Variants in VTI1A observed in about 807,000 individuals in gnomAD.
VTI1A encodes vesicle transport through interaction with t-SNAREs 1A.
A neutral mutation model predicts 34.9 loss-of-function variants in VTI1A; 22 were observed. The ratio of observed to expected loss-of-function variants is 0.63; its 90% CI spans 0.45 to 0.90. VTI1A has a LOEUF of 0.90. Among genes scored for constraint, VTI1A ranks in the 40% least tolerant of loss-of-function variants. The pLI is 0.00. For missense variants in VTI1A, 268 were observed against 275.6 expected (o/e 0.97, Z 0.20); for synonymous variants, 87 against 97.3 (o/e 0.89, Z 0.62).
Position 112,714,893 on chromosome 10 carries a change from A to G in VTI1A, c.560+45895A>G, listed in dbSNP as rs990852389. On this transcript the variant is annotated intron_variant, in intron 7 of 7. Transcript: ENST00000393077. ...AAATTATTATGAGCCAACCTTTTCA[A>G]TCTTCCATGATGTGCACCGTGTTCA... Among the ~76,000 whole-genome samples, 4 of 152,234 alleles carry G rather than the reference A, an allele frequency of 2.6e-5. No homozygotes were observed. The South Asian group carries it at 8.3e-4, about 32-fold the overall frequency.
At chr10:112,490,544 A>G (rs1848786222) in intron 3 of VTI1A, among the ~76,000 whole-genome samples, 1 of 152,088 alleles carries the variant, frequency 6.6e-6, no homozygotes, top group South Asian at 2.1e-4. Flanking sequence ...TATTGTCATT[A>G]ATGATATGCT....
chr10:112,517,005 G>C (rs1459649248), intron 3 of VTI1A, among the ~76,000 whole-genome samples: 1 of 152,074 alleles, frequency 6.6e-6, no homozygotes, highest in East Asian at 1.9e-4. Context: ...ATCTTTGCCA[G>C]CTCCTAGGTG....
intron 3 of VTI1A, among the ~76,000 whole-genome samples, chr10:112,470,130 G>T (rs1275664779): frequency 1.3e-5 from 2 of 152,086 alleles, no homozygotes; most frequent in Non-Finnish European, 2.9e-5. Context: ...AGAACAGGAG[G>T]GTTTGTCTTG....
chr10:112,831,722 A>T, the VTI1A span: 1 of 152,202 alleles, frequency 6.6e-6, no homozygotes, highest in African/African-American at 2.4e-5. Flanking sequence ...ACTCTTGGAT[A>T]ACCTATTTTC....
chr10:112,722,673 C>T (rs1359665798), intron 7 of VTI1A, among the ~76,000 whole-genome samples: 1 of 152,100 alleles, frequency 6.6e-6, no homozygotes, highest in African/African-American at 2.4e-5. Context: ...GCCCTTGTTG[C>T]TCGTGAGAAT....
At chr10:112,563,468 G>A (rs778474582) in intron 5 of VTI1A, among the ~76,000 whole-genome samples, 6 of 151,998 alleles carry the variant, frequency 3.9e-5, no homozygotes, top group Admixed American at 6.6e-5. Flanking sequence ...TAACCTTATC[G>A]CATACTTGGC....
chr10:112,538,583 A>C (rs1271333777), intron 5 of VTI1A: 1 of 387,586 alleles, frequency 2.6e-6, no homozygotes, highest in Non-Finnish European at 4.6e-6. Context: ...TCTAAATTCT[A>C]CATTTGTCTT....
chr10:112,724,710 TTG>T (rs1191100180), intron 7 of VTI1A, among the ~76,000 whole-genome samples: 2 of 151,676 alleles, frequency 1.3e-5, no homozygotes, highest in Admixed American at 6.6e-5. Context: ...TAGATAAGGG[TTG>T]TGTTTTCATT....
chr10:112,532,451 A>G (rs556914455), intron 4 of VTI1A, among the ~76,000 whole-genome samples: 3 of 152,332 alleles, frequency 2.0e-5, no homozygotes, highest in African/African-American at 7.2e-5. Context: ...CATAGGTTTC[A>G]GTTTCTAGTC....
intron 4 of VTI1A, among the ~76,000 whole-genome samples, chr10:112,531,172 G>GCA (rs1850427422): frequency 6.6e-6 from 1 of 151,574 alleles, no homozygotes; most frequent in Non-Finnish European, 1.5e-5. Flanking sequence ...TTTAGTCACA[G>GCA]CAGAAGGCTT....
intron 3 of VTI1A, among the ~76,000 whole-genome samples, chr10:112,515,826 CA>C (rs1427735865): frequency 2.6e-5 from 4 of 152,016 alleles, no homozygotes; most frequent in Non-Finnish European, 5.9e-5. Context: ...TATTAGACTA[CA>C]GCCAGAAAAA....
chr10:112,816,392 C>T lies in VTI1A; in HGVS notation c.*1009C>T, dbSNP rs953229401. On this transcript the variant is annotated 3_prime_UTR_variant, in exon 8 of 8. Coordinates refer to ENST00000393077, the MANE Select transcript of VTI1A (RefSeq NM_145206.4). ...GAGGGTCCACCAGAGATAAACTTCA[C>T]GGAAAACGTTCCCTAACCTCCTTTA... 3.1e-5 allele frequency: 7 copies of T among 223,076 alleles called. No homozygotes were observed. Among genetic ancestry groups the T allele is most frequent in the African/African-American group, 8.9e-5 (4 of 44,774 alleles). 13.8% of individuals were successfully genotyped at this position (223,076 alleles called of 1,614,324 possible).
intron 7 of VTI1A, chr10:112,737,771 A>T (rs1340849496): frequency 1.9e-6 from 2 of 1,059,842 alleles, no homozygotes; most frequent in Non-Finnish European, 1.1e-6. Context: ...ACTTCTGGAG[A>T]TCAAAAAAAA....
intron 7 of VTI1A, among the ~76,000 whole-genome samples, chr10:112,766,513 A>G (rs1851651059): frequency 6.6e-6 from 1 of 152,232 alleles, no homozygotes; most frequent in African/African-American, 2.4e-5. Flanking sequence ...CCTCACTTGA[A>G]GAGGAAACCA....
chr10:112,510,649 A>C (rs1007893475), intron 3 of VTI1A, among the ~76,000 whole-genome samples: 11 of 152,122 alleles, frequency 7.2e-5, no homozygotes, highest in African/African-American at 2.4e-4. Flanking sequence ...AACCACCACC[A>C]CCACCACCAC....
intron 5 of VTI1A, among the ~76,000 whole-genome samples, chr10:112,613,918 C>T (rs1342070790): frequency 1.3e-5 from 2 of 152,222 alleles, no homozygotes; most frequent in African/African-American, 4.8e-5. Flanking sequence ...GCTTGGGAAA[C>T]ACATCAGCCT....
rs976463688 is a variant in VTI1A at position 112,678,986 on chromosome 10, T to C, written c.560+9988T>C. On this transcript the variant is annotated intron_variant, in intron 7 of 7. Coordinates refer to ENST00000393077, the MANE Select transcript of VTI1A (RefSeq NM_145206.4). ...TGGCTTGTTTTCATTTTTGTTTTTT[T>C]CTATAATATAAAATTAGTTTTTTAT... Among the ~76,000 whole-genome samples, 10 of 152,074 alleles carry C rather than the reference T, an allele frequency of 6.6e-5. No homozygotes were observed. The East Asian group carries it at 1.9e-3, about 29-fold the overall frequency.
At chr10:112,831,436 C>G in the VTI1A span, 1 of 152,226 alleles carries the variant, frequency 6.6e-6, no homozygotes, top group Non-Finnish European at 1.5e-5. Flanking sequence ...TGTTTGTGGA[C>G]AGACGGCTGC....
intron 7 of VTI1A, among the ~76,000 whole-genome samples, chr10:112,714,625 T>G (rs1849540619): frequency 1.3e-5 from 2 of 152,236 alleles, no homozygotes; most frequent in African/African-American, 4.8e-5. Flanking sequence ...GTGATTTTAC[T>G]GATATGGTTG....
Sources: allele counts gnomAD v4.1 joint callset (sites outside exome capture counted in the v4.1 genomes callset), GRCh38; gene constraint gnomAD v4.1.1; transcripts MANE v1.5; gene names NCBI Gene and HGNC (gene_info 2026-07-23, HGNC 2026-07-21).